Variants in EPC2 observed in about 807,000 individuals in gnomAD.
EPC2 encodes the protein enhancer of polycomb 2, also known as enhancer of polycomb homolog 2.
Under a neutral mutation model 92.1 loss-of-function variants are expected in EPC2, and 14 were observed. The observed-to-expected ratio is 0.15, with a 90% CI of 0.10 to 0.24. EPC2 has a LOEUF of 0.24. EPC2 is among the 10% of genes least tolerant of loss of function. The probability of loss-of-function intolerance (pLI) is 1.00; values close to 1 mark genes in which losing one functional copy is unlikely to be tolerated. For missense variants in EPC2, 755 were observed against 971.5 expected (o/e 0.78, Z 2.96); for synonymous variants, 340 against 334.7 (o/e 1.02, Z -0.17).
intron 2 of EPC2, among the ~76,000 whole-genome samples, chr2:148,698,307 C>G (rs1241845751): frequency 2.0e-5 from 3 of 152,068 alleles, no homozygotes. Context: ...TAAAATTGGA[C>G]CTTGTTTGAA....
chr2:148,723,272 T>C (rs1682421023), intron 2 of EPC2, among the ~76,000 whole-genome samples: 1 of 152,226 alleles, frequency 6.6e-6, no homozygotes, highest in Non-Finnish European at 1.5e-5. Flanking sequence ...TTCAAAATGC[T>C]TACCTTTCTG....
intron 4 of EPC2, among the ~76,000 whole-genome samples, chr2:148,756,522 T>C (rs1037313783): frequency 6.6e-6 from 1 of 152,230 alleles, no homozygotes; most frequent in African/African-American, 2.4e-5. Context: ...GTAAAAGGTC[T>C]TCTGAAATAT....
chr2:148,704,884 T>C (rs1411198154), intron 2 of EPC2, among the ~76,000 whole-genome samples: 2 of 152,042 alleles, frequency 1.3e-5, no homozygotes, highest in Non-Finnish European at 2.9e-5. Context: ...ATTTTTAATG[T>C]GTATCTTTTT....
chr2:148,645,983 TTGATAA>T (rs1683791059), intron 1 of EPC2, among the ~76,000 whole-genome samples: 1 of 152,238 alleles, frequency 6.6e-6, no homozygotes, highest in African/African-American at 2.4e-5. Flanking sequence ...AGTTGTAATT[TTGATAA>T]TACAGCACCT....
At chr2:148,704,862 G>A (rs946525451) in intron 2 of EPC2, among the ~76,000 whole-genome samples, 1 of 151,820 alleles carries the variant, frequency 6.6e-6, no homozygotes, top group Non-Finnish European at 1.5e-5. Flanking sequence ...CTATGTCCTG[G>A]TGACATTAGG....
intron 2 of EPC2, among the ~76,000 whole-genome samples, chr2:148,717,416 A>T (rs1348470160): frequency 6.6e-6 from 1 of 152,106 alleles, no homozygotes; most frequent in Non-Finnish European, 1.5e-5. Flanking sequence ...CTTTAGCTGC[A>T]TCCCAGAGAT....
intron 2 of EPC2, among the ~76,000 whole-genome samples, chr2:148,696,284 A>G (rs1681743436): frequency 6.6e-6 from 1 of 152,234 alleles, no homozygotes; most frequent in Non-Finnish European, 1.5e-5. Context: ...CCTTGTCACT[A>G]CAGGAGAAAA....
intron 2 of EPC2, among the ~76,000 whole-genome samples, chr2:148,733,345 A>G (rs1208698309): frequency 2.6e-5 from 4 of 151,948 alleles, no homozygotes; most frequent in African/African-American, 9.7e-5. Context: ...GGATGAGCAA[A>G]TCTTTTTTGT....
intron 3 of EPC2, among the ~76,000 whole-genome samples, chr2:148,753,017 A>T (rs533104916): frequency 6.6e-6 from 1 of 152,322 alleles, no homozygotes; most frequent in African/African-American, 2.4e-5. Context: ...CTTCAGGGAG[A>T]CTTCCCAGCC....
intron 2 of EPC2, among the ~76,000 whole-genome samples, chr2:148,725,411 A>T (rs1682474515): frequency 6.6e-6 from 1 of 151,756 alleles, no homozygotes; most frequent in African/African-American, 2.4e-5. Flanking sequence ...CATTATTTTC[A>T]TTCAGAACCC....
intron 2 of EPC2, among the ~76,000 whole-genome samples, chr2:148,728,332 A>G (rs988193698): frequency 6.6e-6 from 1 of 151,760 alleles, no homozygotes; most frequent in South Asian, 2.1e-4. Flanking sequence ...GCTTAATAAT[A>G]TAGTCTCAAA....
chr2:148,717,395 G>A lies in EPC2; in HGVS notation c.314-26227G>A, dbSNP rs148459534. On this transcript the variant is annotated intron_variant, in intron 2 of 13. Coordinates refer to ENST00000258484, the MANE Select transcript of EPC2 (RefSeq NM_015630.4). ...GGGCATTTAGTGCTATAAATTTCCC[G>A]CTTAACACTGCTTTAGCTGCATCCC... is the stretch of plus-strand genomic sequence containing the variant. 6.2e-3 allele frequency among the ~76,000 whole-genome samples: 935 copies of A among 151,950 alleles called. 14 individuals carry two copies. Among genetic ancestry groups the A allele is most frequent in the African/African-American group, 0.021 (887 of 41,444 alleles).
intron 1 of EPC2, among the ~76,000 whole-genome samples, chr2:148,648,967 A>G (rs1163385972): frequency 2.6e-5 from 4 of 152,130 alleles, no homozygotes; most frequent in African/African-American, 9.7e-5. Flanking sequence ...GGTCTTTGTA[A>G]TGCTCCTCAC....
chr2:148,678,713 G>T (rs1217659708), intron 1 of EPC2, among the ~76,000 whole-genome samples: 3 of 152,270 alleles, frequency 2.0e-5, no homozygotes, highest in Non-Finnish European at 2.9e-5. Flanking sequence ...CGCCCACCTG[G>T]AACTCCAGCT....
Position 148,644,990 on chromosome 2 carries a change from C to CCG in EPC2, c.-28_-27insCG. 6.5e-7 allele frequency: 1 copy of CCG among 1,539,120 alleles called. No homozygotes were observed. The highest frequency in any genetic ancestry group is 8.8e-7 in the Non-Finnish European group (1 of 1,141,422). ...CCCCGCCCGCCCCGCCGCCGCCGCCCGGGCTGTTCCTGTAAGGCGGGGAGA... is the reference window on the plus strand; with the variant it reads ...CCCCGCCCGCCCCGCCGCCGCCGCCCCGGGGCTGTTCCTGTAAGGCGGGGAGA... On this transcript the variant is annotated 5_prime_UTR_variant, in exon 1 of 14. Transcript: ENST00000258484.
At chr2:148,707,691 A>G (rs151046690) in intron 2 of EPC2, among the ~76,000 whole-genome samples, 2,150 of 152,310 alleles carry the variant, frequency 0.014, 52 homozygotes, top group African/African-American at 0.05. Context: ...AGGATTAAGA[A>G]ACTCACTCAA....
chr2:148,765,886 A>C (rs1373183245), intron 7 of EPC2, among the ~76,000 whole-genome samples: 1 of 145,778 alleles, frequency 6.9e-6, no homozygotes, highest in African/African-American at 2.4e-5. Context: ...AACAAAAAAA[A>C]TCAGCCAGGT....
intron 2 of EPC2, among the ~76,000 whole-genome samples, chr2:148,740,197 T>G (rs949041716): frequency 2.6e-5 from 4 of 151,976 alleles, no homozygotes; most frequent in African/African-American, 9.7e-5. Context: ...TTAGAAATGC[T>G]ATTTTTATTC....
chr2:148,686,586 G>GC (rs1681530918), intron 1 of EPC2, among the ~76,000 whole-genome samples: 1 of 152,198 alleles, frequency 6.6e-6, no homozygotes, highest in Admixed American at 6.5e-5. Context: ...ATTTATGGCA[G>GC]CTATTGCCTT....
Sources: allele counts gnomAD v4.1 joint callset (sites outside exome capture counted in the v4.1 genomes callset), GRCh38; gene constraint gnomAD v4.1.1; transcripts MANE v1.5; gene names NCBI Gene and HGNC (gene_info 2026-07-23, HGNC 2026-07-21).